The following MAPK10 variants were observed in gnomAD, a reference collection of about 807,000 sequenced individuals.
MAPK10 encodes mitogen-activated protein kinase 10.
A neutral mutation model predicts 59.3 loss-of-function variants in MAPK10; 25 were observed. That is an observed-to-expected ratio of 0.42 (90% CI 0.31 to 0.59). The LOEUF (loss-of-function observed/expected upper bound fraction) is 0.59. Ranked by LOEUF, MAPK10 falls within the 20% of genes least tolerant of loss-of-function variation. The pLI is 0.15. For missense variants in MAPK10, 351 were observed against 568.9 expected, an observed-to-expected ratio of 0.62 and a Z score of 3.90; for synonymous variants, 190 against 200.5, an observed-to-expected ratio of 0.95 and a Z score of 0.44.
At chr4:86,323,382 A>C (rs2095946089) in intron 2 of MAPK10, among the ~76,000 whole-genome samples, 1 of 152,162 alleles carries the variant, frequency 6.6e-6, no homozygotes, top group Admixed American at 6.6e-5. Flanking sequence ...ATCTGACATC[A>C]ATTAGAAGTG....
At chr4:86,547,046 C>A (rs12509430) in intron 1 of MAPK10, among the ~76,000 whole-genome samples, 2 of 152,096 alleles carry the variant, frequency 1.3e-5, no homozygotes, top group Non-Finnish European at 2.9e-5. Flanking sequence ...AGCGAGACTC[C>A]GTCTAAAAAC....
At chr4:86,476,402 C>T (rs924798403) in intron 1 of MAPK10, among the ~76,000 whole-genome samples, 3 of 152,140 alleles carry the variant, frequency 2.0e-5, no homozygotes, top group Non-Finnish European at 4.4e-5. Context: ...GAGCTAAAGG[C>T]ATAGTCAAGG....
At chr4:86,429,966 T>C (rs1747819064) in intron 1 of MAPK10, among the ~76,000 whole-genome samples, 1 of 152,168 alleles carries the variant, frequency 6.6e-6, no homozygotes, top group Non-Finnish European at 1.5e-5. Context: ...TTTCATAAAA[T>C]ATTGTGATAT....
rs559329707 is a variant in MAPK10, at chr4:86,035,571, T to TA, written c.1111-4141dup. ...AAATATTGAAAGTTCTGACTGCGGT[T>TA]AAAAAAAAAAAAAGATGAGGGTGAA... On this transcript the variant is annotated intron_variant, in intron 11 of 13. Coordinates refer to ENST00000641462, the MANE Select transcript of MAPK10 (RefSeq NM_138982.4). Among the ~76,000 whole-genome samples the TA allele has an allele frequency of 3.4e-3, 484 of 140,712 alleles. 1 individual carries two copies. Among genetic ancestry groups the TA allele is most frequent in the East Asian group, 0.013 (65 of 4,904 alleles). The allele number at this position is 140,712 out of a possible 152,430, so 92.3% of individuals were successfully genotyped here.
At chr4:86,590,830 A>G (rs1286056169) in intron 1 of MAPK10, among the ~76,000 whole-genome samples, 1 of 152,184 alleles carries the variant, frequency 6.6e-6, no homozygotes, top group Non-Finnish European at 1.5e-5. Flanking sequence ...TACTGGATAT[A>G]TAACTTACTT....
chr4:86,416,118 G>A (rs1234740450), intron 1 of MAPK10, among the ~76,000 whole-genome samples: 1 of 152,164 alleles, frequency 6.6e-6, no homozygotes, highest in African/African-American at 2.4e-5. Flanking sequence ...GGTAATTAAT[G>A]TTAAATAAGG....
At chr4:86,403,693 T>C (rs1039071233) in intron 1 of MAPK10, among the ~76,000 whole-genome samples, 18 of 151,920 alleles carry the variant, frequency 1.2e-4, no homozygotes, top group Non-Finnish European at 2.5e-4. Flanking sequence ...GAGAGAGAAG[T>C]GCAAGCAGGG....
upstream of MAPK10, among the ~76,000 whole-genome samples, chr4:86,363,656 T>C (rs572760265): frequency 1.4e-4 from 22 of 152,358 alleles, no homozygotes; most frequent in African/African-American, 4.8e-4. Context: ...ATTTGAAATT[T>C]ACTCTCTTAG....
intron 2 of MAPK10, among the ~76,000 whole-genome samples, chr4:86,261,011 A>G (rs538609635): frequency 6.6e-6 from 1 of 152,320 alleles, no homozygotes; most frequent in South Asian, 2.1e-4. Context: ...TTAGTGTCCT[A>G]TAAGAGGACA....
chr4:86,064,165 A>G, intron 11 of MAPK10, 101 bp downstream of exon 11: 2 of 1,417,744 alleles, frequency 1.4e-6, no homozygotes, highest in Non-Finnish European at 1.9e-6. Context: ...GAAATTTTAT[A>G]AAAATCCATT....
At chr4:86,275,169 G>A (rs572800680) in intron 2 of MAPK10, among the ~76,000 whole-genome samples, 38 of 151,964 alleles carry the variant, frequency 2.5e-4, no homozygotes, top group African/African-American at 8.7e-4. Context: ...ATCATGATGG[G>A]CTCTTAAAAG....
intron 2 of MAPK10, among the ~76,000 whole-genome samples, chr4:86,293,939 C>T (rs1584215731): frequency 6.6e-6 from 1 of 152,270 alleles, no homozygotes; most frequent in Middle Eastern, 3.4e-3. Flanking sequence ...TCCGAGGAGA[C>T]AAATATCCAA....
chr4:86,071,703 G>A (rs1487112302), intron 9 of MAPK10, among the ~76,000 whole-genome samples: 2 of 151,368 alleles, frequency 1.3e-5, no homozygotes, highest in African/African-American at 2.4e-5. Flanking sequence ...GATAGTTGTA[G>A]GTATGCGGCG....
upstream of MAPK10, among the ~76,000 whole-genome samples, chr4:86,457,022 T>C (rs1751298112): frequency 6.6e-6 from 1 of 152,196 alleles, no homozygotes; most frequent in African/African-American, 2.4e-5. Context: ...TCAATAAATG[T>C]GATACACCAC....
intron 9 of MAPK10, among the ~76,000 whole-genome samples, chr4:86,085,019 T>C (rs1417303809): frequency 6.6e-6 from 1 of 152,114 alleles, no homozygotes; most frequent in Non-Finnish European, 1.5e-5. Context: ...CTTCAATAAA[T>C]GGTGTGGAAA....
At chr4:86,144,388 T>C (rs1272298282) in intron 4 of MAPK10, among the ~76,000 whole-genome samples, 1 of 152,296 alleles carries the variant, frequency 6.6e-6, no homozygotes, top group East Asian at 1.9e-4. Context: ...ATTTCTGCAT[T>C]GTCAGGGCTC....
chr4:86,175,366 T>A (rs2075443209), intron 3 of MAPK10, among the ~76,000 whole-genome samples: 1 of 152,122 alleles, frequency 6.6e-6, no homozygotes, highest in Admixed American at 6.6e-5. Context: ...AGAACGTTAT[T>A]CTTAAACCCT....
chr4:86,175,965 A>T (rs533421252), intron 3 of MAPK10: 1 of 152,160 alleles, frequency 6.6e-6, no homozygotes, highest in Non-Finnish European at 1.5e-5. Context: ...ACATATCTAT[A>T]ACCAAATAAA....
chr4:86,365,477 T>G (rs1039212650), intron 1 of MAPK10, among the ~76,000 whole-genome samples: 3 of 114,754 alleles, frequency 2.6e-5, no homozygotes, highest in Non-Finnish European at 5.9e-5. Context: ...AATTCTCACC[T>G]TGTACTTGAT....
Sources: allele counts gnomAD v4.1 joint callset (sites outside exome capture counted in the v4.1 genomes callset), GRCh38; gene constraint gnomAD v4.1.1; transcripts MANE v1.5; gene names NCBI Gene and HGNC (gene_info 2026-07-23, HGNC 2026-07-21).